Variants in ADCY5 observed in about 807,000 individuals in gnomAD.
ADCY5 encodes the protein adenylate cyclase type 5.
Under a neutral mutation model 119.7 loss-of-function variants are expected in ADCY5, and 30 were observed. That is an observed-to-expected ratio of 0.25 (90% CI 0.19 to 0.34). The LOEUF (loss-of-function observed/expected upper bound fraction) is 0.34, where lower values mean the gene tolerates loss of function less well. Among genes scored for constraint, ADCY5 ranks in the 10% least tolerant of loss-of-function variants. ADCY5 has a pLI of 1.00. For synonymous variants in ADCY5, 753 were observed against 762.2 expected (o/e 0.99, Z 0.20); for missense variants, 1,324 against 1,775.2 (o/e 0.75, Z 4.57).
At chr3:123,285,502 G>A (rs1938681819) in intron 20 of ADCY5, among the ~76,000 whole-genome samples, 1 of 152,322 alleles carries the variant, frequency 6.6e-6, no homozygotes, top group Non-Finnish European at 1.5e-5. Flanking sequence ...AGAGCTGTTT[G>A]TGAGCATCGT....
chr3:123,402,467 G>A (rs946218425), intron 1 of ADCY5, among the ~76,000 whole-genome samples: 6 of 151,974 alleles, frequency 3.9e-5, no homozygotes, highest in Non-Finnish European at 8.8e-5. Flanking sequence ...TGGAAGCCAA[G>A]GGGGCCCAGG....
chr3:123,333,692 TG>T (rs1941890125), intron 3 of ADCY5, among the ~76,000 whole-genome samples: 1 of 152,368 alleles, frequency 6.6e-6, no homozygotes, highest in African/African-American at 2.4e-5. Flanking sequence ...CTCTCAGGCC[TG>T]CCCGTTTGAC....
chr3:123,396,819 C>CGAGAGAGA (rs146072347), intron 1 of ADCY5, among the ~76,000 whole-genome samples: 6 of 62,370 alleles, frequency 9.6e-5, no homozygotes, highest in African/African-American at 3.5e-4. Context: ...GGCAGGCAGG[C>CGAGAGAGA]GAGAGAGAGA....
chr3:123,344,213 T>C (rs1180855597), intron 3 of ADCY5, among the ~76,000 whole-genome samples: 1 of 152,218 alleles, frequency 6.6e-6, no homozygotes, highest in African/African-American at 2.4e-5. Context: ...TTGATTTATT[T>C]TTCTTGTGGC....
intron 17 of ADCY5, among the ~76,000 whole-genome samples, chr3:123,292,183 C>A (rs1314612060): frequency 6.6e-6 from 1 of 152,224 alleles, no homozygotes; most frequent in African/African-American, 2.4e-5. Context: ...ATCTGGCTGG[C>A]CCACTTGGGC....
At chr3:123,375,704 C>T (rs922611389) in intron 1 of ADCY5, among the ~76,000 whole-genome samples, 8 of 152,346 alleles carry the variant, frequency 5.3e-5, no homozygotes, top group South Asian at 4.1e-4. Context: ...TTCAGTGTTT[C>T]CTGAGGGCCA....
intron 5 of ADCY5, among the ~76,000 whole-genome samples, chr3:123,329,634 ACCCT>A (rs1454504286): frequency 6.6e-6 from 1 of 151,596 alleles, no homozygotes; most frequent in East Asian, 1.9e-4. Flanking sequence ...AGGGCCCTAG[ACCCT>A]CCCTAACACC....
At chr3:123,386,125 G>A (rs76717593) in intron 1 of ADCY5, among the ~76,000 whole-genome samples, 1,715 of 152,296 alleles carry the variant, frequency 0.011, 13 homozygotes, top group Admixed American at 0.022. Context: ...AGGAGGTCAG[G>A]AAAGGCTCAA....
chr3:123,429,663 C>T (rs1016739683), intron 1 of ADCY5, among the ~76,000 whole-genome samples: 1 of 152,190 alleles, frequency 6.6e-6, no homozygotes, highest in African/African-American at 2.4e-5. Flanking sequence ...TCCTCTAAAA[C>T]CACCTGATGG....
chr3:123,286,498 G>A lies in ADCY5; in HGVS notation c.3657+187C>T, dbSNP rs986382179. Reference sequence around the variant, plus strand: ...AGAAGCCTGAAGATCTGTCCAAGGTGCTGAGGGCCTGAAACACAATTGTGT... The same window carrying A: ...AGAAGCCTGAAGATCTGTCCAAGGTACTGAGGGCCTGAAACACAATTGTGT... On this transcript the variant is annotated intron_variant, in intron 20 of 20. Transcript: ENST00000462833. This position sits in a 1 kb window ranked among gnomAD's most constrained non-coding sequence, Gnocchi z 4.2. Among the ~76,000 whole-genome samples the A allele has an allele frequency of 6.6e-6, 1 of 152,170 alleles. No individual in the cohort carries two copies. Among genetic ancestry groups the A allele is most frequent in the African/African-American group, 2.4e-5 (1 of 41,440 alleles).
intron 1 of ADCY5, among the ~76,000 whole-genome samples, chr3:123,422,834 AG>A (rs1383750543): frequency 1.3e-5 from 2 of 152,178 alleles, no homozygotes; most frequent in Admixed American, 1.3e-4. Context: ...ATTTCAGGGG[AG>A]GGGGCAAGCA....
intron 1 of ADCY5, among the ~76,000 whole-genome samples, chr3:123,439,056 T>C (rs779798979): frequency 1.9e-4 from 26 of 135,828 alleles, no homozygotes; most frequent in Non-Finnish European, 2.4e-4. Flanking sequence ...CTGGTCCCAC[T>C]GTGCCCAGAC....
At chr3:123,302,788 G>A (rs957270829) in intron 14 of ADCY5, among the ~76,000 whole-genome samples, 2 of 152,178 alleles carry the variant, frequency 1.3e-5, no homozygotes, top group African/African-American at 2.4e-5. Context: ...GTAAGTGCAG[G>A]TAGAGCTCTC....
intron 1 of ADCY5, among the ~76,000 whole-genome samples, chr3:123,391,197 G>C (rs1399262955): frequency 6.6e-6 from 1 of 152,186 alleles, no homozygotes; most frequent in African/African-American, 2.4e-5. Flanking sequence ...AGACGGAAGG[G>C]AAAGGAAGCA....
At chr3:123,369,135 C>T (rs572581986) in intron 1 of ADCY5, among the ~76,000 whole-genome samples, 2 of 152,114 alleles carry the variant, frequency 1.3e-5, no homozygotes, top group South Asian at 4.2e-4. Flanking sequence ...GGGTGGGGCC[C>T]CCATGATGAA....
intron 1 of ADCY5, among the ~76,000 whole-genome samples, chr3:123,365,424 G>A (rs1362532210): frequency 6.6e-6 from 1 of 152,206 alleles, no homozygotes; most frequent in African/African-American, 2.4e-5. Flanking sequence ...ACTAAAAGAG[G>A]GCTGTGGAAA....
intron 1 of ADCY5, among the ~76,000 whole-genome samples, chr3:123,443,464 G>A (rs760960364): frequency 1.9e-4 from 29 of 152,054 alleles, no homozygotes; most frequent in African/African-American, 1.7e-4. Flanking sequence ...AGACAGATGC[G>A]CACGTGCTCA....
rs1396290509 is a variant in ADCY5, at chr3:123,314,352, C to G, written c.2355-30G>C. Reference sequence around the variant, plus strand: ...AAGGAGAGAGGAGGGGAGGGAGAAGCCAGGCTCAGGTGGCAGGGCTGCAGC... The same window carrying G: ...AAGGAGAGAGGAGGGGAGGGAGAAGGCAGGCTCAGGTGGCAGGGCTGCAGC... On this transcript the variant is annotated intron_variant, in intron 11 of 20. Transcript: ENST00000462833. 16 of 1,568,794 alleles carry G rather than the reference C, an allele frequency of 1.0e-5. No individual in the cohort carries two copies. The East Asian group carries it at 3.6e-4, about 36-fold the overall frequency.
chr3:123,383,816 C>T (rs1376453196), intron 1 of ADCY5, among the ~76,000 whole-genome samples: 1 of 151,806 alleles, frequency 6.6e-6, no homozygotes, highest in Non-Finnish European at 1.5e-5. Context: ...CACACCCTTC[C>T]TCAAGGTGCA....
Sources: gnomAD v4.1 joint callset for allele counts (sites outside exome capture counted in the v4.1 genomes callset) on GRCh38, gnomAD v4.1.1 for gene constraint, Gnocchi (gnomAD v3.1) non-coding constraint, MANE v1.5 for transcripts, NCBI Gene and HGNC (gene_info 2026-07-23, HGNC 2026-07-21) for gene names.